The following SIPA1L3 variants were observed in gnomAD, a reference collection of about 807,000 sequenced individuals.
SIPA1L3 encodes signal-induced proliferation-associated 1-like protein 3.
Under a neutral mutation model 150.1 loss-of-function variants are expected in SIPA1L3, and 59 were observed. The ratio of observed to expected loss-of-function variants is 0.39; its 90% CI spans 0.32 to 0.49. The LOEUF is 0.49. Among genes scored for constraint, SIPA1L3 ranks in the 20% least tolerant of loss-of-function variants. SIPA1L3 has a pLI of 0.86. For synonymous variants in SIPA1L3, 1,070 were observed against 1,077.6 expected (o/e 0.99, Z 0.14); for missense variants, 2,211 against 2,489.5 (o/e 0.89, Z 2.38).
At chr19:37,922,542 C>T (rs62112280) in intron 1 of SIPA1L3, among the ~76,000 whole-genome samples, 7,003 of 151,768 alleles carry the variant, frequency 0.046, 196 homozygotes, top group East Asian at 0.11. Context: ...TACAGGTACC[C>T]GCCACCGCAC....
At chr19:38,012,573 C>T (rs1437087402) in intron 1 of SIPA1L3, among the ~76,000 whole-genome samples, 3 of 152,154 alleles carry the variant, frequency 2.0e-5, no homozygotes, top group African/African-American at 7.2e-5. Flanking sequence ...CTACCCGAAG[C>T]ATGTGGAGTT....
chr19:37,924,058 G>C (rs2046480043), intron 1 of SIPA1L3, among the ~76,000 whole-genome samples: 1 of 152,224 alleles, frequency 6.6e-6, no homozygotes, highest in African/African-American at 2.4e-5. Flanking sequence ...ATAGGCATGA[G>C]CCGCTGCACC....
intron 1 of SIPA1L3, among the ~76,000 whole-genome samples, chr19:37,909,876 T>G (rs2046363955): frequency 1.3e-5 from 2 of 152,146 alleles, no homozygotes; most frequent in South Asian, 4.1e-4. Context: ...CATTGTGATT[T>G]CATTTGATGA....
At chr19:38,076,639 C>T in intron 2 of SIPA1L3, among the ~76,000 whole-genome samples, 1 of 152,188 alleles carries the variant, frequency 6.6e-6, no homozygotes, top group Non-Finnish European at 1.5e-5. Flanking sequence ...GGGACCCGTA[C>T]AAAGTGCCAC....
At chr19:37,927,422 G>T (rs1599802106) in intron 1 of SIPA1L3, among the ~76,000 whole-genome samples, 1 of 152,112 alleles carries the variant, frequency 6.6e-6, no homozygotes, top group African/African-American at 2.4e-5. Context: ...AAAGTGCTGG[G>T]ATTACAGGCG....
At chr19:38,123,805 C>T (rs919169682) in intron 9 of SIPA1L3, among the ~76,000 whole-genome samples, 6 of 121,538 alleles carry the variant, frequency 4.9e-5, no homozygotes, top group Non-Finnish European at 8.5e-5. Context: ...GGGTGGCGGC[C>T]GGGCAGAGGG....
intron 1 of SIPA1L3, among the ~76,000 whole-genome samples, chr19:37,960,993 T>A (rs1239594575): frequency 6.6e-6 from 1 of 152,024 alleles, no homozygotes; most frequent in Admixed American, 6.6e-5. Context: ...CTCATCCTCC[T>A]GAGTAGCTGG....
intron 7 of SIPA1L3, among the ~76,000 whole-genome samples, chr19:38,109,122 C>T (rs1201035533): frequency 6.6e-6 from 1 of 152,146 alleles, no homozygotes; most frequent in East Asian, 1.9e-4. Flanking sequence ...GTGTATTAGT[C>T]CATTTTCACA....
intron 1 of SIPA1L3, among the ~76,000 whole-genome samples, chr19:37,981,077 A>G (rs1267445207): frequency 6.6e-6 from 1 of 152,128 alleles, no homozygotes; most frequent in African/African-American, 2.4e-5. Context: ...TGTGATAGAG[A>G]TGGCTTTGGT....
chr19:37,926,993 A>G (rs926957347), intron 1 of SIPA1L3, among the ~76,000 whole-genome samples: 1 of 152,090 alleles, frequency 6.6e-6, no homozygotes, highest in Non-Finnish European at 1.5e-5. Flanking sequence ...AGGCAGCTAA[A>G]AAAAGGTGGT....
At chr19:38,117,537 T>C (rs1475010659) in intron 8 of SIPA1L3, among the ~76,000 whole-genome samples, 1 of 151,844 alleles carries the variant, frequency 6.6e-6, no homozygotes, top group Non-Finnish European at 1.5e-5. Flanking sequence ...GAGAATTGCT[T>C]GACCCCGGGA....
rs148263573 is a variant in SIPA1L3, at chr19:38,075,809, C to G, written c.-310-5447C>G. 7.3e-5 allele frequency among the ~76,000 whole-genome samples: 11 copies of G among 150,796 alleles called. No individual in the cohort carries two copies. In the East Asian group the frequency reaches 2.2e-3, roughly 30 times the overall value. On this transcript the variant is annotated intron_variant, in intron 2 of 21. Transcript: ENST00000222345. Reference sequence around the variant, plus strand: ...AAAAAAAAAACAGAAAAGAAAAGATCTTGCAGGTGAACCACATAGCCTAAA... The same window carrying G: ...AAAAAAAAAACAGAAAAGAAAAGATGTTGCAGGTGAACCACATAGCCTAAA...
intron 1 of SIPA1L3, among the ~76,000 whole-genome samples, chr19:37,923,841 C>A (rs1386668786): frequency 1.3e-5 from 2 of 151,888 alleles, no homozygotes; most frequent in Non-Finnish European, 2.9e-5. Flanking sequence ...CTCACTGCAA[C>A]CTCTGCCTCT....
chr19:37,926,287 C>T (rs2046502988), intron 1 of SIPA1L3, among the ~76,000 whole-genome samples: 1 of 152,178 alleles, frequency 6.6e-6, no homozygotes, highest in South Asian at 2.1e-4. Flanking sequence ...AAAACCCCTG[C>T]CCTACTTGTG....
At chr19:38,068,077 C>T (rs1312775216) in intron 2 of SIPA1L3, among the ~76,000 whole-genome samples, 1 of 147,304 alleles carries the variant, frequency 6.8e-6, no homozygotes, top group African/African-American at 2.5e-5. Context: ...GGCTGGAGTG[C>T]AGTGGCGCTA....
At chr19:38,181,863 A>T (rs111352280) in intron 15 of SIPA1L3, among the ~76,000 whole-genome samples, 3 of 145,866 alleles carry the variant, frequency 2.1e-5, no homozygotes, top group Non-Finnish European at 3.0e-5. Context: ...AAAAAAAAAA[A>T]GGTTAAGGGC....
intron 1 of SIPA1L3, among the ~76,000 whole-genome samples, chr19:38,006,887 G>A (rs1018948052): frequency 6.6e-6 from 1 of 152,208 alleles, no homozygotes; most frequent in South Asian, 2.1e-4. Flanking sequence ...GAGCAGAAAA[G>A]GGGAAATGGC....
At chr19:37,965,137 A>T (rs1398939659) in intron 1 of SIPA1L3, among the ~76,000 whole-genome samples, 1 of 152,174 alleles carries the variant, frequency 6.6e-6, no homozygotes, top group Non-Finnish European at 1.5e-5. Context: ...TAAAGAATTA[A>T]TCTCATCTGT....
intron 1 of SIPA1L3, among the ~76,000 whole-genome samples, chr19:37,911,927 C>A (rs1286882809): frequency 6.6e-6 from 1 of 151,874 alleles, no homozygotes; most frequent in African/African-American, 2.4e-5. Flanking sequence ...AAAAAATTAG[C>A]CAGGCGTGGT....
Sources: gnomAD v4.1 joint callset for allele counts (sites outside exome capture counted in the v4.1 genomes callset) on GRCh38, gnomAD v4.1.1 for gene constraint, MANE v1.5 for transcripts, NCBI Gene and HGNC (gene_info 2026-07-23, HGNC 2026-07-21) for gene names.